Variants in NDRG2 observed in about 807,000 individuals in gnomAD.
NDRG2 encodes the protein NDRG family member 2.
In NDRG2, 34 loss-of-function variants were observed where a neutral mutation model predicts 58.2. The observed-to-expected ratio is 0.58, with a 90% CI of 0.44 to 0.78. NDRG2 has a LOEUF of 0.78. Ranked by LOEUF, NDRG2 falls within the 30% of genes least tolerant of loss-of-function variation. The probability of loss-of-function intolerance (pLI) is 0.00; values close to 1 mark genes in which losing one functional copy is unlikely to be tolerated. For missense variants in NDRG2, 434 were observed against 471.2 expected (o/e 0.92, Z 0.73); for synonymous variants, 187 against 175.9 (o/e 1.06, Z -0.50).
chr14:21,017,884 G>T, intron 15 of NDRG2, 103 bp downstream of exon 15: 3 of 1,604,208 alleles, frequency 1.9e-6, no homozygotes, highest in Non-Finnish European at 2.6e-6. Context: ...CAACGAGCTC[G>T]ATTGGGCAGA....
At chr14:21,053,787 G>A (rs1055011259) in intron 1 of NDRG2, among the ~76,000 whole-genome samples, 2 of 152,028 alleles carry the variant, frequency 1.3e-5, no homozygotes, top group Non-Finnish European at 2.9e-5. Flanking sequence ...CTGGGTGACA[G>A]AGCAAGACCC....
intron 1 of NDRG2, among the ~76,000 whole-genome samples, chr14:21,060,066 C>T (rs1885880127): frequency 6.6e-6 from 1 of 152,198 alleles, no homozygotes; most frequent in Admixed American, 6.5e-5. Flanking sequence ...GACACCCCCT[C>T]TTCTTCCCCA....
chr14:21,038,258 T>G (rs908822190), intron 1 of NDRG2, among the ~76,000 whole-genome samples: 9 of 152,218 alleles, frequency 5.9e-5, no homozygotes, highest in Admixed American at 2.6e-4. Flanking sequence ...TTCTAAAAGT[T>G]GAATCAGTTA....
intron 1 of NDRG2, among the ~76,000 whole-genome samples, chr14:21,065,805 A>C (rs1409973741): frequency 6.6e-6 from 1 of 152,220 alleles, no homozygotes; most frequent in African/African-American, 2.4e-5. Context: ...TGTTTAAAGA[A>C]CTGAAAGAAG....
chr14:21,057,086 C>G (rs1263543178), intron 1 of NDRG2, among the ~76,000 whole-genome samples: 4 of 152,202 alleles, frequency 2.6e-5, no homozygotes, highest in African/African-American at 9.6e-5. Flanking sequence ...TCAGGGACAC[C>G]TAAGCTAGTC....
chr14:21,051,458 A>G (rs1481739182), intron 1 of NDRG2, among the ~76,000 whole-genome samples: 1 of 152,160 alleles, frequency 6.6e-6, no homozygotes. Context: ...CAGCCGGCCT[A>G]TGAGGGGAAC....
chr14:21,057,745 CA>C (rs1271157714), intron 1 of NDRG2: 2 of 670,206 alleles, frequency 3.0e-6, no homozygotes, highest in African/African-American at 3.6e-5. Context: ...AATAGAATGC[CA>C]GGGGTGTTCA....
At chr14:21,047,265 A>AT (rs974829707) in intron 1 of NDRG2, among the ~76,000 whole-genome samples, 2 of 151,702 alleles carry the variant, frequency 1.3e-5, no homozygotes, top group Admixed American at 6.6e-5. Context: ...CAATATAATA[A>AT]TTTTTTTTTA....
chr14:21,017,410 C>T lies in NDRG2; in HGVS notation c.*186G>A. On this transcript the variant is annotated 3_prime_UTR_variant, in exon 16 of 16. Transcript: ENST00000556147. ...CCTAAGAGATATTAGGACATCTCTT[C>T]CAGGAGCTGGGGGGAATCACGGGTT... The T allele has an allele frequency of 1.5e-6, 1 of 685,936 alleles. No individual in the cohort carries two copies. Among genetic ancestry groups the T allele is most frequent in the Non-Finnish European group, 2.4e-6 (1 of 411,832 alleles). The allele number at this position is 685,936 out of a possible 1,614,324, so 42.5% of individuals were successfully genotyped here.
intron 1 of NDRG2, among the ~76,000 whole-genome samples, chr14:21,068,648 C>G (rs530381309): frequency 6.6e-6 from 1 of 152,182 alleles, no homozygotes; most frequent in Admixed American, 6.5e-5. Flanking sequence ...TCCTAGCTCG[C>G]GGGCCCTCGT....
chr14:21,026,293 C>T (rs1883615103), upstream of NDRG2, among the ~76,000 whole-genome samples: 2 of 152,032 alleles, frequency 1.3e-5, no homozygotes, highest in Non-Finnish European at 2.9e-5. Context: ...TGAATTTCTC[C>T]CCACCTGCCC....
At chr14:21,032,102 A>C in intron 1 of NDRG2, 1 of 1,606,718 alleles carries the variant, frequency 6.2e-7, no homozygotes. Context: ...TCAGCCTGCT[A>C]GCCCCCTGAC....
intron 1 of NDRG2, among the ~76,000 whole-genome samples, chr14:21,051,963 C>T (rs1398890514): frequency 1.3e-5 from 2 of 152,198 alleles, no homozygotes; most frequent in African/African-American, 4.8e-5. Flanking sequence ...GAGATAGTTG[C>T]TTATTCTCTG....
intron 1 of NDRG2, among the ~76,000 whole-genome samples, chr14:21,066,388 C>T (rs7156211): frequency 0.9 from 135,339 of 150,020 alleles, 61,144 homozygotes; most frequent in Admixed American, 0.93. Flanking sequence ...GGCACGATCT[C>T]GGCTCACTGC....
Position 21,024,476 on chromosome 14 carries a change from T to C in NDRG2, c.-453A>G, listed in dbSNP as rs1286139223. ...TGCAGGGGGACTAAACGCGGGGGAA[T>C]AGGGGATCCCCAAAATTTTTGACAG... On this transcript the variant is annotated 5_prime_UTR_variant, in exon 1 of 16. Transcript: ENST00000556147. The C allele has an allele frequency of 6.2e-6, 6 of 972,726 alleles. No individual in the cohort carries two copies. Among genetic ancestry groups the C allele is most frequent in the Non-Finnish European group, 7.3e-6 (6 of 818,458 alleles). The allele number at this position is 972,726 out of a possible 1,614,324, so 60.3% of individuals were successfully genotyped here.
intron 1 of NDRG2, chr14:21,030,872 G>A: frequency 6.6e-7 from 1 of 1,504,586 alleles, no homozygotes; most frequent in Non-Finnish European, 9.0e-7. Context: ...AGGGTACCTG[G>A]CGCTGTGCTA....
chr14:21,063,931 C>T (rs114004256), intron 1 of NDRG2, among the ~76,000 whole-genome samples: 2,985 of 152,302 alleles, frequency 0.02, 104 homozygotes, highest in African/African-American at 0.068. Context: ...AACTCCCTTA[C>T]ATAGAACCGA....
chr14:21,021,973 G>A (rs1036244189), intron 5 of NDRG2, 89 bp downstream of exon 5: 1 of 1,610,984 alleles, frequency 6.2e-7, no homozygotes, highest in East Asian at 2.2e-5. Flanking sequence ...AATAACCACT[G>A]CCCTCCCTTT....
intron 1 of NDRG2, among the ~76,000 whole-genome samples, chr14:21,050,248 A>G (rs1341617791): frequency 1.3e-5 from 2 of 152,136 alleles, no homozygotes; most frequent in Non-Finnish European, 2.9e-5. Flanking sequence ...TTGAGATGGG[A>G]AAAAAACAGT....
Sources: allele counts gnomAD v4.1 joint callset (sites outside exome capture counted in the v4.1 genomes callset), GRCh38; gene constraint gnomAD v4.1.1; transcripts MANE v1.5; gene names NCBI Gene and HGNC (gene_info 2026-07-23, HGNC 2026-07-21).